The following TGFB2 variants were observed in gnomAD, a reference collection of about 807,000 sequenced individuals.
The protein encoded by TGFB2 is transforming growth factor beta 2.
Under a neutral mutation model 42.7 loss-of-function variants are expected in TGFB2, and 13 were observed. The observed-to-expected ratio is 0.30, with a 90% confidence interval of 0.20 to 0.48. The LOEUF is 0.48. Ranked by LOEUF, TGFB2 falls within the 20% of genes least tolerant of loss-of-function variation. The probability of loss-of-function intolerance (pLI) is 0.99; values close to 1 mark genes in which losing one functional copy is unlikely to be tolerated. For synonymous variants in TGFB2, 193 were observed against 193.6 expected (o/e 1.00, Z 0.03); for missense variants, 390 against 517.5 (o/e 0.75, Z 2.39).
At chr1:218,409,509 G>A (rs887110678) in intron 2 of TGFB2, among the ~76,000 whole-genome samples, 3 of 152,050 alleles carry the variant, frequency 2.0e-5, no homozygotes, top group African/African-American at 7.2e-5. Context: ...TGTAGTCTTT[G>A]GTAATAAACT....
In TGFB2 at chr1:218,441,712, A is replaced by C. The variant is rs1172865103; in HGVS notation, c.*350A>C. On this transcript the variant is annotated 3_prime_UTR_variant, in exon 7 of 7. Coordinates refer to ENST00000366930, the MANE Select transcript of TGFB2 (RefSeq NM_003238.6). Reference sequence around the variant, plus strand: ...ACAACAACAACAACAACAAACAGGAAAATCCCATTAAGTGGAGTTGCTGTA... The same window carrying C: ...ACAACAACAACAACAACAAACAGGACAATCCCATTAAGTGGAGTTGCTGTA... 3.2e-5 allele frequency: 6 copies of C among 188,110 alleles called. No individual in the cohort carries two copies. Among genetic ancestry groups the C allele is most frequent in the Non-Finnish European group, 5.5e-5 (5 of 91,716 alleles). 11.7% of individuals were successfully genotyped at this position (188,110 alleles called of 1,614,324 possible).
At chr1:218,347,545 G>A (rs1033126876) in intron 1 of TGFB2, among the ~76,000 whole-genome samples, 1 of 152,118 alleles carries the variant, frequency 6.6e-6, no homozygotes, top group Admixed American at 6.5e-5. Flanking sequence ...GGTTCCCCAA[G>A]CCTTCTCTAT....
intron 2 of TGFB2, among the ~76,000 whole-genome samples, chr1:218,407,890 T>C (rs755558089): frequency 2.0e-5 from 3 of 152,018 alleles, no homozygotes; most frequent in Non-Finnish European, 4.4e-5. Flanking sequence ...GATGAAGTAA[T>C]ATTTGGAGGG....
At chr1:218,347,331 T>C (rs1656720288) in intron 1 of TGFB2, among the ~76,000 whole-genome samples, 1 of 152,218 alleles carries the variant, frequency 6.6e-6, no homozygotes, top group African/African-American at 2.4e-5. Context: ...AGTTCTTTAG[T>C]CGGCCACCAG....
intron 1 of TGFB2, among the ~76,000 whole-genome samples, chr1:218,388,980 G>C (rs760247767): frequency 4.6e-5 from 7 of 152,132 alleles, no homozygotes; most frequent in Non-Finnish European, 1.0e-4. Flanking sequence ...CTGGCTGCTT[G>C]ATATCCTACA....
At chr1:218,389,691 A>G (rs1658259838) in intron 1 of TGFB2, among the ~76,000 whole-genome samples, 1 of 152,214 alleles carries the variant, frequency 6.6e-6, no homozygotes, top group Non-Finnish European at 1.5e-5. Flanking sequence ...TTCAAGGAAC[A>G]TACGTTCTTT....
chr1:218,394,060 C>T (rs1658409044), intron 1 of TGFB2, among the ~76,000 whole-genome samples: 1 of 152,148 alleles, frequency 6.6e-6, no homozygotes, highest in Non-Finnish European at 1.5e-5. Context: ...GTGCCCACCA[C>T]CATGCCTGGC....
At chr1:218,403,644 T>A (rs1658807595) in intron 1 of TGFB2, among the ~76,000 whole-genome samples, 1 of 152,178 alleles carries the variant, frequency 6.6e-6, no homozygotes, top group Non-Finnish European at 1.5e-5. Flanking sequence ...GTGAACCCTG[T>A]CCAGATACGT....
intron 1 of TGFB2, among the ~76,000 whole-genome samples, chr1:218,384,393 G>A (rs1162443988): frequency 1.3e-5 from 2 of 152,188 alleles, no homozygotes; most frequent in African/African-American, 4.8e-5. Context: ...TGTGTTATAA[G>A]ACAGATTATG....
Position 218,380,907 on chromosome 1 carries a change from G to T in TGFB2, c.347-24262G>T, listed in dbSNP as rs944287013. Among the ~76,000 whole-genome samples the T allele has an allele frequency of 2.6e-5, 4 of 152,146 alleles. 1 individual carries two copies. The highest frequency in any genetic ancestry group is 4.8e-5 in the African/African-American group (2 of 41,434). On this transcript the variant is annotated intron_variant, in intron 1 of 6. Transcript: ENST00000366930. ...TGCCAGGCATAGTGCCAAATGTTCT[G>T]CTTTCATGAGCCTATCTCATCCTTT...
At chr1:218,433,060 A>T (rs555992427) in intron 2 of TGFB2, among the ~76,000 whole-genome samples, 84 of 152,012 alleles carry the variant, frequency 5.5e-4, no homozygotes, top group African/African-American at 1.4e-3. Flanking sequence ...TTGAAATGTT[A>T]ACTTTTTCTT....
At chr1:218,438,641 T>C (rs1377793112) in intron 6 of TGFB2, among the ~76,000 whole-genome samples, 1 of 152,202 alleles carries the variant, frequency 6.6e-6, no homozygotes, top group African/African-American at 2.4e-5. Flanking sequence ...GTTGTTTCAA[T>C]GAAGACAGAG....
intron 1 of TGFB2, among the ~76,000 whole-genome samples, chr1:218,377,545 C>G (rs889793602): frequency 1.5e-4 from 23 of 152,148 alleles, no homozygotes; most frequent in African/African-American, 5.6e-4. Flanking sequence ...CCCAAATCAG[C>G]ACTATGATTC....
At chr1:218,371,673 T>C (rs1402695898) in intron 1 of TGFB2, among the ~76,000 whole-genome samples, 1 of 152,228 alleles carries the variant, frequency 6.6e-6, no homozygotes, top group Non-Finnish European at 1.5e-5. Context: ...AGGTCCTAGA[T>C]TGTCACTCTG....
intron 2 of TGFB2, among the ~76,000 whole-genome samples, chr1:218,412,286 A>T: frequency 6.6e-6 from 1 of 152,218 alleles, no homozygotes; most frequent in East Asian, 1.9e-4. Flanking sequence ...CCAGAAAGGG[A>T]GTTGTGAGAA....
intron 2 of TGFB2, among the ~76,000 whole-genome samples, chr1:218,416,032 C>T (rs1659267639): frequency 6.6e-6 from 1 of 152,090 alleles, no homozygotes; most frequent in Non-Finnish European, 1.5e-5. Context: ...TTTCTGTTAA[C>T]AGTGGGACAG....
intron 2 of TGFB2, among the ~76,000 whole-genome samples, chr1:218,427,957 A>G (rs1188051494): frequency 1.3e-5 from 2 of 152,184 alleles, no homozygotes; most frequent in East Asian, 3.9e-4. Flanking sequence ...CCAACAGTGT[A>G]AAAGTGTTCC....
At chr1:218,421,774 T>C (rs1294167251) in intron 2 of TGFB2, among the ~76,000 whole-genome samples, 7 of 152,208 alleles carry the variant, frequency 4.6e-5, no homozygotes, top group Non-Finnish European at 1.0e-4. Flanking sequence ...GGTGGGTCCC[T>C]AATCCAGTAT....
intron 1 of TGFB2, among the ~76,000 whole-genome samples, chr1:218,394,073 A>AT (rs949807857): frequency 3.3e-5 from 5 of 151,182 alleles, no homozygotes; most frequent in African/African-American, 7.3e-5. Context: ...TGCCTGGCTA[A>AT]TTTTTTTTTG....
Sources: allele counts gnomAD v4.1 joint callset (sites outside exome capture counted in the v4.1 genomes callset), GRCh38; gene constraint gnomAD v4.1.1; transcripts MANE v1.5; gene names NCBI Gene and HGNC (gene_info 2026-07-23, HGNC 2026-07-21).